Variants in GAB2 observed in about 807,000 individuals in gnomAD.
GAB2 encodes GRB2 associated binding protein 2.
A neutral mutation model predicts 65.5 loss-of-function variants in GAB2; 26 were observed. The ratio of observed to expected loss-of-function variants is 0.40; its 90% CI spans 0.29 to 0.55. The LOEUF (loss-of-function observed/expected upper bound fraction) is 0.55. Ranked by LOEUF, GAB2 falls within the 20% of genes least tolerant of loss-of-function variation. GAB2 has a pLI of 0.53. For synonymous variants in GAB2, 321 were observed against 329.6 expected (o/e 0.97, Z 0.28); for missense variants, 884 against 875.8 (o/e 1.01, Z -0.12).
chr11:78,393,345 C>T (rs910366499), intron 1 of GAB2, among the ~76,000 whole-genome samples: 5 of 152,078 alleles, frequency 3.3e-5, no homozygotes, highest in Non-Finnish European at 7.3e-5. Flanking sequence ...CCCAATTACA[C>T]GAATAAAGTG....
chr11:78,409,293 T>C (rs1857094749), intron 1 of GAB2, among the ~76,000 whole-genome samples: 1 of 152,044 alleles, frequency 6.6e-6, no homozygotes, highest in Non-Finnish European at 1.5e-5. Flanking sequence ...GTGTATATAT[T>C]GAACAACAGG....
At chr11:78,339,674 G>T (rs1338644403) in intron 1 of GAB2, among the ~76,000 whole-genome samples, 1 of 152,198 alleles carries the variant, frequency 6.6e-6, no homozygotes, top group Admixed American at 6.5e-5. Flanking sequence ...GACTGTCATG[G>T]AAAGTGTAAG....
intron 2 of GAB2, among the ~76,000 whole-genome samples, chr11:78,257,055 T>C (rs1173310961): frequency 1.3e-5 from 2 of 151,844 alleles, no homozygotes; most frequent in African/African-American, 2.4e-5. Context: ...CCCTACAGAA[T>C]CACTCCCCTT....
intron 1 of GAB2, among the ~76,000 whole-genome samples, chr11:78,342,486 A>G (rs10899480): frequency 0.27 from 39,936 of 145,402 alleles, 6,252 homozygotes; most frequent in African/African-American, 0.43. Context: ...TCGGCTCACT[A>G]CAAGCTCCGC....
In GAB2 at chr11:78,269,414, G is replaced by C. The variant is rs140350469; in HGVS notation, c.376+11187C>G. Among the ~76,000 whole-genome samples, 184 of 152,306 alleles carry C rather than the reference G, an allele frequency of 1.2e-3. 1 individual carries two copies. Among genetic ancestry groups the C allele is most frequent in the East Asian group, 7.3e-3 (38 of 5,180 alleles). ...GAGCAAGGCTTCTCCCTGGCTCTCT[G>C]TCTCTCTTTTCATGGTGGGGGAAGG... On this transcript the variant is annotated intron_variant, in intron 2 of 9. Transcript: ENST00000361507.
intron 1 of GAB2, among the ~76,000 whole-genome samples, chr11:78,332,890 G>GT (rs1565163185): frequency 1.3e-5 from 2 of 152,084 alleles, no homozygotes; most frequent in African/African-American, 2.4e-5. Context: ...TATAGTTTTT[G>GT]TTTTTTTAAG....
chr11:78,220,496 A>C (rs1172186510), intron 8 of GAB2, 52 bp from the exon 9 acceptor site: 2 of 1,503,708 alleles, frequency 1.3e-6, no homozygotes, highest in African/African-American at 1.4e-5. Flanking sequence ...AGACTAACCC[A>C]CCACCCAGAA....
intron 1 of GAB2, among the ~76,000 whole-genome samples, chr11:78,366,564 C>T (rs1460191044): frequency 2.9e-5 from 3 of 104,752 alleles, no homozygotes; most frequent in East Asian, 2.9e-4. Flanking sequence ...CCAGGCTGGG[C>T]GACAGAGCAA....
intron 1 of GAB2, among the ~76,000 whole-genome samples, chr11:78,290,147 T>G (rs1591004378): frequency 1.3e-5 from 2 of 152,142 alleles, no homozygotes; most frequent in Admixed American, 1.3e-4. Context: ...AAGAAGCTGT[T>G]GCGATAGTCT....
At chr11:78,304,702 C>CA (rs1438777859) in intron 1 of GAB2, among the ~76,000 whole-genome samples, 2 of 152,172 alleles carry the variant, frequency 1.3e-5, no homozygotes, top group Admixed American at 6.5e-5. Flanking sequence ...TAGCTACCTG[C>CA]AGCCTGACAT....
chr11:78,220,003 T>C (rs1441903315), intron 9 of GAB2, among the ~76,000 whole-genome samples: 2 of 152,200 alleles, frequency 1.3e-5, no homozygotes, highest in Non-Finnish European at 2.9e-5. Flanking sequence ...TCCTCATTCC[T>C]GGATCTGTTG....
At chr11:78,220,296 C>A (rs1864355503) in intron 9 of GAB2, 23 bp downstream of exon 9, 1 of 1,611,268 alleles carries the variant, frequency 6.2e-7, no homozygotes, top group Non-Finnish European at 8.5e-7. Context: ...CTCTTACTGC[C>A]CCCCCAACTC....
intron 1 of GAB2, among the ~76,000 whole-genome samples, chr11:78,291,003 G>C (rs1003870128): frequency 1.8e-4 from 27 of 152,092 alleles, no homozygotes; most frequent in African/African-American, 6.5e-4. Flanking sequence ...TTCTATAGTG[G>C]CATGACAGCA....
chr11:78,390,184 T>C (rs992327229), intron 1 of GAB2, among the ~76,000 whole-genome samples: 13 of 152,222 alleles, frequency 8.5e-5, no homozygotes, highest in African/African-American at 2.9e-4. Flanking sequence ...TTTGCATCTG[T>C]TCCCTTGGTT....
chr11:78,354,838 A>G (rs1022510331), intron 1 of GAB2, among the ~76,000 whole-genome samples: 2 of 152,164 alleles, frequency 1.3e-5, no homozygotes, highest in Admixed American at 6.5e-5. Context: ...CTTTTCCTTA[A>G]TGCTGCCTCT....
intron 1 of GAB2, among the ~76,000 whole-genome samples, chr11:78,332,852 C>T (rs1052742773): frequency 6.6e-6 from 1 of 152,106 alleles, no homozygotes; most frequent in African/African-American, 2.4e-5. Flanking sequence ...TTCCCTCATG[C>T]CCTAGAGTCT....
intron 2 of GAB2, among the ~76,000 whole-genome samples, chr11:78,272,229 A>T (rs922398618): frequency 9.9e-5 from 15 of 152,208 alleles, no homozygotes; most frequent in Admixed American, 2.0e-4. Flanking sequence ...TATGGAAGTG[A>T]CAGGAACTGG....
chr11:78,391,479 C>T (rs990719486), intron 1 of GAB2, among the ~76,000 whole-genome samples: 4 of 152,156 alleles, frequency 2.6e-5, no homozygotes, highest in Non-Finnish European at 5.9e-5. Flanking sequence ...CTAAAAAAGG[C>T]CATGACATCT....
intron 3 of GAB2, among the ~76,000 whole-genome samples, chr11:78,249,489 A>G (rs1865387407): frequency 1.3e-5 from 2 of 152,216 alleles, no homozygotes; most frequent in Non-Finnish European, 2.9e-5. Context: ...TAATAAATAC[A>G]TTTACAGGTT....
Sources: gnomAD v4.1 joint callset for allele counts (sites outside exome capture counted in the v4.1 genomes callset) on GRCh38, gnomAD v4.1.1 for gene constraint, MANE v1.5 for transcripts, NCBI Gene and HGNC (gene_info 2026-07-23, HGNC 2026-07-21) for gene names.